Variants in NFIB observed in about 807,000 individuals in gnomAD.
NFIB encodes the protein nuclear factor 1 B-type.
A neutral mutation model predicts 61.5 loss-of-function variants in NFIB; 11 were observed. The ratio of observed to expected loss-of-function variants is 0.18; its 90% CI spans 0.11 to 0.30. The LOEUF is 0.30. Among genes scored for constraint, NFIB ranks in the 10% least tolerant of loss-of-function variants. The pLI, the probability that NFIB is intolerant of heterozygous loss-of-function variation, is 1.00. For synonymous variants in NFIB, 260 were observed against 216.5 expected, an observed-to-expected ratio of 1.20 and a Z score of -1.76; for missense variants, 471 against 608.9, an observed-to-expected ratio of 0.77 and a Z score of 2.38.
At chr9:14,090,458 G>T (rs2033706281) in intron 10 of NFIB, among the ~76,000 whole-genome samples, 1 of 152,000 alleles carries the variant, frequency 6.6e-6, no homozygotes, top group African/African-American at 2.4e-5. Flanking sequence ...CTTTGTACAT[G>T]GTCCTGTTAC....
At chr9:14,400,048 C>T (rs531375246), upstream of NFIB, among the ~76,000 whole-genome samples, 4 of 151,996 alleles carry the variant, frequency 2.6e-5, no homozygotes, top group African/African-American at 9.6e-5. Context: ...CATTTTTCTT[C>T]ACTAGTAAGT....
chr9:14,479,191 A>T, the NFIB span, among the ~76,000 whole-genome samples: 1 of 152,228 alleles, frequency 6.6e-6, no homozygotes, highest in African/African-American at 2.4e-5. Context: ...TAGGAAGCTA[A>T]TCTTACAGAC....
chr9:14,346,290 A>ACCCT (rs2061019534), intron 1 of NFIB, among the ~76,000 whole-genome samples: 2 of 88,394 alleles, frequency 2.3e-5, no homozygotes, highest in Non-Finnish European at 5.1e-5. Flanking sequence ...GGTAACCGAC[A>ACCCT]CCCCCCCCCC....
chr9:14,363,133 GT>G (rs1316632118), intron 1 of NFIB, among the ~76,000 whole-genome samples: 2 of 152,102 alleles, frequency 1.3e-5, no homozygotes, highest in Non-Finnish European at 2.9e-5. Context: ...AGCTAGAGAA[GT>G]TGCACCAAAT....
chr9:14,207,032 A>T (rs901249875), intron 2 of NFIB, among the ~76,000 whole-genome samples: 2 of 152,206 alleles, frequency 1.3e-5, no homozygotes, highest in African/African-American at 4.8e-5. Flanking sequence ...ATAAAATAAT[A>T]GTAAGGCTAA....
chr9:14,499,913 A>G, the NFIB span, among the ~76,000 whole-genome samples: 46 of 152,196 alleles, frequency 3.0e-4, no homozygotes, highest in Admixed American at 2.9e-3. Context: ...GCACAATTGC[A>G]TTTTACTCAT....
At chr9:14,435,280 A>G in the NFIB span, among the ~76,000 whole-genome samples, 4 of 152,246 alleles carry the variant, frequency 2.6e-5, no homozygotes, top group Admixed American at 1.3e-4. Flanking sequence ...GTTTCCTAAA[A>G]TATAATCATT....
At chr9:14,286,169 ATTCTTT>A (rs1381783308) in intron 2 of NFIB, among the ~76,000 whole-genome samples, 5 of 152,308 alleles carry the variant, frequency 3.3e-5, no homozygotes, top group African/African-American at 9.6e-5. Flanking sequence ...ACATTCTATT[ATTCTTT>A]AATTTGTTCC....
At chr9:14,172,025 G>T (rs530938320) in intron 3 of NFIB, among the ~76,000 whole-genome samples, 2 of 152,094 alleles carry the variant, frequency 1.3e-5, no homozygotes, top group African/African-American at 4.8e-5. Flanking sequence ...TCAGAGGCAC[G>T]GGCAAAGTTT....
At chr9:14,391,656 G>T (rs1032340684) in intron 1 of NFIB, among the ~76,000 whole-genome samples, 2 of 152,082 alleles carry the variant, frequency 1.3e-5, no homozygotes, top group Non-Finnish European at 2.9e-5. Context: ...CACTGTGCAT[G>T]TGGCCCCTCC....
chr9:14,531,682 T>C, the NFIB span, among the ~76,000 whole-genome samples: 1 of 89,698 alleles, frequency 1.1e-5, no homozygotes, highest in Non-Finnish European at 2.4e-5. Flanking sequence ...ATTTGCATTT[T>C]TCTTTAAAAA....
intron 1 of NFIB, among the ~76,000 whole-genome samples, chr9:14,396,506 G>A (rs933269161): frequency 2.6e-5 from 4 of 151,882 alleles, no homozygotes; most frequent in Non-Finnish European, 4.4e-5. Context: ...ACTTTTTGGT[G>A]TATTATAGGC....
chr9:14,187,221 A>G lies in NFIB; in HGVS notation c.563-7441T>C, dbSNP rs75901905. On this transcript the variant is annotated intron_variant, in intron 2 of 10. Coordinates refer to ENST00000380953, the MANE Select transcript of NFIB (RefSeq NM_001190737.2). ...AAGTTTTAACTTTATCACTTTGTTA[A>G]TGGAATCCCTGATCTTGTTTGTTGT... is the stretch of plus-strand genomic sequence containing the variant. Among the ~76,000 whole-genome samples, 571 of 152,060 alleles carry G rather than the reference A, an allele frequency of 3.8e-3. 3 individuals carry two copies. Among genetic ancestry groups the G allele is most frequent in the African/African-American group, 0.013 (546 of 41,352 alleles).
chr9:14,221,862 C>G (rs2051717271), intron 2 of NFIB, among the ~76,000 whole-genome samples: 2 of 152,340 alleles, frequency 1.3e-5, no homozygotes, highest in South Asian at 4.1e-4. Flanking sequence ...AGCTTAGAAA[C>G]TCTGGTAACT....
At chr9:14,273,904 T>C (rs2057804410) in intron 2 of NFIB, among the ~76,000 whole-genome samples, 1 of 152,112 alleles carries the variant, frequency 6.6e-6, no homozygotes, top group South Asian at 2.1e-4. Flanking sequence ...TTCACTACAG[T>C]ACAACATAAT....
intron 2 of NFIB, among the ~76,000 whole-genome samples, chr9:14,249,657 A>G (rs1439514371): frequency 6.6e-6 from 1 of 152,134 alleles, no homozygotes; most frequent in African/African-American, 2.4e-5. Flanking sequence ...CTGTAAAAAA[A>G]TAGAAAGGAA....
At chr9:14,254,904 T>C (rs1371483995) in intron 2 of NFIB, among the ~76,000 whole-genome samples, 1 of 152,160 alleles carries the variant, frequency 6.6e-6, no homozygotes, top group Non-Finnish European at 1.5e-5. Context: ...TTCAGACAAG[T>C]ACCTTAAAGC....
At chr9:14,102,558 G>A in intron 10 of NFIB, 1 of 1,472,878 alleles carries the variant, frequency 6.8e-7, no homozygotes, top group East Asian at 2.5e-5. Context: ...CAGTACTACA[G>A]TTTTTAGTAT....
rs2044262076 is a variant in NFIB at position 14,162,044 on chromosome 9, T to G, written c.617-6151A>C. Among the ~76,000 whole-genome samples the G allele has an allele frequency of 2.0e-5, 3 of 152,286 alleles. No individual in the cohort carries two copies. In the South Asian group the frequency reaches 6.2e-4, roughly 32 times the overall value. On this transcript the variant is annotated intron_variant, in intron 3 of 10. Coordinates refer to ENST00000380953, the MANE Select transcript of NFIB (RefSeq NM_001190737.2). ...TTTCATTTATTTCATTTTAATAAAA[T>G]GGACTCATTTCAGATATATGAGCAT...
Sources: gnomAD v4.1 joint callset for allele counts (sites outside exome capture counted in the v4.1 genomes callset) on GRCh38, gnomAD v4.1.1 for gene constraint, MANE v1.5 for transcripts, NCBI Gene and HGNC (gene_info 2026-07-23, HGNC 2026-07-21) for gene names.